PRIM2: variants seen among roughly 807,000 people sequenced by gnomAD.
The protein encoded by PRIM2 is DNA primase large subunit.
Under a neutral mutation model 67.3 loss-of-function variants are expected in PRIM2, and 39 were observed. The ratio of observed to expected loss-of-function variants is 0.58; its 90% CI spans 0.45 to 0.76. The LOEUF is 0.76. Among genes scored for constraint, PRIM2 ranks in the 30% least tolerant of loss-of-function variants. The probability of loss-of-function intolerance (pLI) is 0.00; values close to 1 mark genes in which losing one functional copy is unlikely to be tolerated. For synonymous variants in PRIM2, 143 were observed against 198.7 expected (o/e 0.72, Z 2.36); for missense variants, 398 against 598.7 (o/e 0.66, Z 3.50).
At chr6:57,419,609 A>G (rs1771395913) in intron 7 of PRIM2, among the ~76,000 whole-genome samples, 1 of 152,162 alleles carries the variant, frequency 6.6e-6, no homozygotes. Flanking sequence ...GACTGGGTCC[A>G]GTTCCAGCAA....
chr6:57,583,482 A>G (rs1359572273), intron 10 of PRIM2, among the ~76,000 whole-genome samples: 3 of 151,222 alleles, frequency 2.0e-5, no homozygotes, highest in African/African-American at 4.9e-5. Context: ...AATTTCATCC[A>G]TGTCCCCATA....
At chr6:57,225,623 G>C in the PRIM2 span, among the ~76,000 whole-genome samples, 2 of 152,152 alleles carry the variant, frequency 1.3e-5, no homozygotes, top group African/African-American at 4.8e-5. Flanking sequence ...TACCTCCACT[G>C]ATCCAGCAAA....
At chr6:57,341,272 G>A (rs78061574) in intron 5 of PRIM2, among the ~76,000 whole-genome samples, 18 of 152,270 alleles carry the variant, frequency 1.2e-4, no homozygotes, top group East Asian at 1.2e-3. Flanking sequence ...TTATTAGAAC[G>A]TCGGTGGAGG....
chr6:57,473,385 A>G (rs2127402597), intron 7 of PRIM2, among the ~76,000 whole-genome samples: 1 of 152,314 alleles, frequency 6.6e-6, no homozygotes, highest in East Asian at 1.9e-4. Flanking sequence ...TCTGATGTAC[A>G]CACTTTCCAG....
At chr6:57,458,900 G>A (rs1772905589) in intron 7 of PRIM2, among the ~76,000 whole-genome samples, 1 of 152,168 alleles carries the variant, frequency 6.6e-6, no homozygotes, top group South Asian at 2.1e-4. Flanking sequence ...TCCTCCTTTA[G>A]CTTGCATCCC....
At chr6:57,529,826 T>TATCTGA (rs1774848567) in intron 8 of PRIM2, among the ~76,000 whole-genome samples, 1 of 152,166 alleles carries the variant, frequency 6.6e-6, no homozygotes, top group South Asian at 2.1e-4. Flanking sequence ...TGAAATTGGG[T>TATCTGA]AATTTATAAA....
At chr6:57,558,710 C>T (rs1271601735) in intron 10 of PRIM2, among the ~76,000 whole-genome samples, 6 of 152,106 alleles carry the variant, frequency 3.9e-5, no homozygotes, top group African/African-American at 9.6e-5. Context: ...CCTTGATACA[C>T]GTGTTTTTAT....
At chr6:57,496,168 C>T (rs1415995378) in intron 7 of PRIM2, among the ~76,000 whole-genome samples, 4 of 152,130 alleles carry the variant, frequency 2.6e-5, no homozygotes, top group African/African-American at 4.8e-5. Flanking sequence ...TGTCTCTTCA[C>T]TTTGGTAATT....
chr6:57,530,720 C>CT (rs1208233183), intron 8 of PRIM2, among the ~76,000 whole-genome samples: 10 of 144,562 alleles, frequency 6.9e-5, no homozygotes, highest in South Asian at 4.4e-4. Flanking sequence ...TTTTTTTTTT[C>CT]TTTTTTTTGA....
the PRIM2 span, among the ~76,000 whole-genome samples, chr6:57,239,880 A>C: frequency 6.6e-6 from 1 of 152,204 alleles, no homozygotes; most frequent in Non-Finnish European, 1.5e-5. Flanking sequence ...GGGCTGCTTC[A>C]AATAACTAAT....
At chr6:57,270,924 TTACACTTACTGATTTGTG>T in the PRIM2 span, among the ~76,000 whole-genome samples, 4 of 151,772 alleles carry the variant, frequency 2.6e-5, no homozygotes, top group African/African-American at 9.7e-5. Flanking sequence ...ATATGCTGGA[TTACACTTACTGATTTGTG>T]TATGTTGAAC....
At chr6:57,244,759 C>T in the PRIM2 span, among the ~76,000 whole-genome samples, 1 of 150,986 alleles carries the variant, frequency 6.6e-6, no homozygotes, top group Non-Finnish European at 1.5e-5. Context: ...AAAAAAATTG[C>T]TTAATTTCTG....
intron 7 of PRIM2, among the ~76,000 whole-genome samples, chr6:57,401,499 G>A (rs2397272): frequency 6.6e-6 from 1 of 152,114 alleles, no homozygotes; most frequent in East Asian, 1.9e-4. Context: ...TTCCTTACAG[G>A]TGGAGCCATG....
chr6:57,460,131 C>T (rs1406565845), intron 7 of PRIM2, among the ~76,000 whole-genome samples: 18 of 150,032 alleles, frequency 1.2e-4, no homozygotes, highest in African/African-American at 2.9e-4. Flanking sequence ...GTTTTTGTTG[C>T]GGTCTCCATA....
chr6:57,474,219 G>T (rs1415579029), intron 7 of PRIM2, among the ~76,000 whole-genome samples: 3 of 64,954 alleles, frequency 4.6e-5, no homozygotes, highest in Non-Finnish European at 7.7e-5. Context: ...CTGTCACCCA[G>T]GCTGGAGTGC....
intron 7 of PRIM2, among the ~76,000 whole-genome samples, chr6:57,487,534 A>G (rs1476751964): frequency 1.3e-5 from 2 of 152,236 alleles, no homozygotes; most frequent in Non-Finnish European, 2.9e-5. Context: ...TGGCCTGATC[A>G]ATGAAATTTG....
chr6:57,524,571 C>T (rs1554349187), intron 8 of PRIM2, among the ~76,000 whole-genome samples: 6 of 151,994 alleles, frequency 3.9e-5, no homozygotes, highest in Non-Finnish European at 5.9e-5. Flanking sequence ...CATGGTGGCA[C>T]GTGCATGTAA....
rs1347350416 is a variant in PRIM2 at position 57,331,160 on chromosome 6, C to T, written c.459+5115C>T. On this transcript the variant is annotated intron_variant, in intron 5 of 13. Transcript: ENST00000615550. ...CCGAGATCGTACCACTGCACTCCAG[C>T]TTGGGCAAAAGAGTGAGACTTTGTC... is the stretch of plus-strand genomic sequence containing the variant. Among the ~76,000 whole-genome samples, 4 of 148,514 alleles carry T rather than the reference C, an allele frequency of 2.7e-5. No homozygotes were observed. The Admixed American group carries it at 2.7e-4, about 10-fold the overall frequency.
At chr6:57,463,413 G>A (rs1177005585) in intron 7 of PRIM2, among the ~76,000 whole-genome samples, 4 of 152,178 alleles carry the variant, frequency 2.6e-5, no homozygotes, top group Non-Finnish European at 5.9e-5. Context: ...GATCACTTGA[G>A]CTTAGGAGAT....
Sources: gnomAD v4.1 joint callset for allele counts (sites outside exome capture counted in the v4.1 genomes callset) on GRCh38, gnomAD v4.1.1 for gene constraint, MANE v1.5 for transcripts, NCBI Gene and HGNC (gene_info 2026-07-23, HGNC 2026-07-21) for gene names.